PDS5A: variants seen among roughly 807,000 people sequenced by gnomAD.
PDS5A encodes sister chromatid cohesion protein PDS5 homolog A.
PDS5A carries 42 observed loss-of-function variants against 167.1 expected under a neutral mutation model. That is an observed-to-expected ratio of 0.25 (90% CI 0.20 to 0.33). The LOEUF is 0.33. Among genes scored for constraint, PDS5A ranks in the 10% least tolerant of loss-of-function variants. The pLI is 1.00. For missense variants in PDS5A, 1,033 were observed against 1,605.9 expected, an observed-to-expected ratio of 0.64 and a Z score of 6.10; for synonymous variants, 553 against 554.6, an observed-to-expected ratio of 1.00 and a Z score of 0.04.
At chr4:39,849,472 T>C (rs748065902) in intron 27 of PDS5A, 48 bp downstream of exon 27, 3 of 988,306 alleles carry the variant, frequency 3.0e-6, no homozygotes, top group East Asian at 2.7e-5. Context: ...TGGGACAATA[T>C]ATTTTTCTAT....
chr4:39,862,121 C>T (rs1719051816), intron 26 of PDS5A, 98 bp downstream of exon 26: 7 of 465,620 alleles, frequency 1.5e-5, no homozygotes, highest in Middle Eastern at 5.9e-4. Flanking sequence ...GATTCTAATT[C>T]TAATGTAAAT....
At chr4:39,960,008 G>A (rs1187003225) in intron 2 of PDS5A, among the ~76,000 whole-genome samples, 10 of 152,190 alleles carry the variant, frequency 6.6e-5, no homozygotes, top group African/African-American at 2.2e-4. Flanking sequence ...CAGGAGAATC[G>A]CTTGAAACTG....
At chr4:39,848,770 C>T (rs976072867) in intron 28 of PDS5A, 81 bp downstream of exon 28, 12 of 1,267,604 alleles carry the variant, frequency 9.5e-6, no homozygotes, top group Non-Finnish European at 1.3e-5. Context: ...CAAGACAATT[C>T]AATATTTGCC....
intron 32 of PDS5A, among the ~76,000 whole-genome samples, chr4:39,835,227 G>T (rs1466795604): frequency 1.3e-5 from 2 of 152,118 alleles, no homozygotes; most frequent in Non-Finnish European, 2.9e-5. Flanking sequence ...TTATAGGTGT[G>T]AGCCACCGCA....
rs767063747 is a variant in PDS5A, at chr4:39,874,241, C to T, written c.2277+48G>A. ...CTTCCATCTTCATCAAACTATAGAG[C>T]TTAAAAAATAAAGACCAATATAAAC... On this transcript the variant is annotated intron_variant, in intron 20 of 32. Transcript: ENST00000303538. 4 of 1,520,838 alleles carry T rather than the reference C, an allele frequency of 2.6e-6. No individual in the cohort carries two copies. In the Admixed American group the frequency reaches 7.4e-5, roughly 28 times the overall value. 94.2% of individuals were successfully genotyped at this position (1,520,838 alleles called of 1,614,324 possible). A position where few individuals can be genotyped will look rare whatever the true frequency, so the allele number is the denominator to read the frequency against.
chr4:39,973,996 G>A (rs1730830451), intron 2 of PDS5A, among the ~76,000 whole-genome samples: 1 of 152,166 alleles, frequency 6.6e-6, no homozygotes, highest in African/African-American at 2.4e-5. Context: ...CATGATGGCG[G>A]GCGCCCGTGG....
intron 16 of PDS5A, among the ~76,000 whole-genome samples, chr4:39,892,775 G>T (rs1309835300): frequency 2.0e-5 from 3 of 152,192 alleles, no homozygotes; most frequent in African/African-American, 7.2e-5. Flanking sequence ...TTTTAAAAGT[G>T]TAGTCCATAA....
At chr4:39,914,360 C>T (rs1316979928) in intron 8 of PDS5A, among the ~76,000 whole-genome samples, 1 of 151,842 alleles carries the variant, frequency 6.6e-6, no homozygotes, top group Admixed American at 6.6e-5. Flanking sequence ...TGGGGTTTCA[C>T]CATCTTGGCC....
At chr4:39,916,814 C>T (rs962485179) in intron 8 of PDS5A, among the ~76,000 whole-genome samples, 7 of 151,294 alleles carry the variant, frequency 4.6e-5, no homozygotes, top group East Asian at 1.9e-4. Context: ...TGCAGTGAGC[C>T]GAGACTGCGC....
chr4:39,894,834 T>C (rs575709683), intron 16 of PDS5A, among the ~76,000 whole-genome samples: 4 of 152,272 alleles, frequency 2.6e-5, no homozygotes, highest in South Asian at 4.1e-4. Flanking sequence ...TTAAATCCAA[T>C]AGGGCAGTGC....
At chr4:39,962,251 T>C (rs915308865) in intron 2 of PDS5A, among the ~76,000 whole-genome samples, 1 of 151,370 alleles carries the variant, frequency 6.6e-6, no homozygotes, top group Non-Finnish European at 1.5e-5. Context: ...AGAGACGGGG[T>C]TTCACTGTGT....
chr4:39,904,198 A>G lies in PDS5A; in HGVS notation c.1234-7T>C. ...CTTCTTTTCTTACTCGCCACTAAAAAGCATAAAATTTATTAGATGAGCAAG... is the reference window on the plus strand; with the variant it reads ...CTTCTTTTCTTACTCGCCACTAAAAGGCATAAAATTTATTAGATGAGCAAG... On this transcript the variant is annotated splice_region_variant and splice_polypyrimidine_tract_variant and intron_variant, in intron 11 of 32. Coordinates refer to ENST00000303538, the MANE Select transcript of PDS5A (RefSeq NM_001100399.2). 1 of 1,594,576 alleles carries G rather than the reference A, an allele frequency of 6.3e-7. No homozygotes were observed. The highest frequency in any genetic ancestry group is 8.5e-7 in the Non-Finnish European group (1 of 1,170,704).
At chr4:39,895,820 C>T (rs1722358027) in intron 16 of PDS5A, among the ~76,000 whole-genome samples, 1 of 151,730 alleles carries the variant, frequency 6.6e-6, no homozygotes, top group African/African-American at 2.4e-5. Context: ...CAGGTTCACA[C>T]CATTCTCCTG....
intron 2 of PDS5A, chr4:39,973,471 G>A (rs188195717): frequency 4.4e-6 from 6 of 1,349,592 alleles, no homozygotes; most frequent in Admixed American, 3.4e-5. Context: ...TAATATTTAC[G>A]TGAAAAATCT....
At chr4:39,976,764 GA>G (rs1481522902) in intron 1 of PDS5A, 147 bp from the exon 2 acceptor site, 2 of 476,802 alleles carry the variant, frequency 4.2e-6, no homozygotes, top group Non-Finnish European at 7.4e-6. Context: ...CTTTCCCAGG[GA>G]TCGAACCCCG....
chr4:39,900,850 T>C (rs1175540196), intron 13 of PDS5A, among the ~76,000 whole-genome samples: 2 of 151,500 alleles, frequency 1.3e-5, no homozygotes, highest in Non-Finnish European at 2.9e-5. Flanking sequence ...TGTATACGCT[T>C]GGAGCACAAG....
intron 2 of PDS5A, among the ~76,000 whole-genome samples, chr4:39,929,965 C>CAT (rs1419195921): frequency 6.6e-6 from 1 of 150,396 alleles, no homozygotes; most frequent in East Asian, 1.9e-4. Flanking sequence ...CCTGTAATCC[C>CAT]AGCACTTTGG....
At chr4:39,917,839 T>TACTG (rs1388562334) in intron 7 of PDS5A, among the ~76,000 whole-genome samples, 1 of 152,048 alleles carries the variant, frequency 6.6e-6, no homozygotes, top group Non-Finnish European at 1.5e-5. Context: ...CCTCCCAAAG[T>TACTG]ACTGGGATTA....
chr4:39,895,746 C>G (rs902098198), intron 16 of PDS5A, among the ~76,000 whole-genome samples: 3 of 152,160 alleles, frequency 2.0e-5, no homozygotes, highest in Non-Finnish European at 4.4e-5. Context: ...GAGACAGAGT[C>G]TCGCTCTGTC....
Sources: gnomAD v4.1 joint callset for allele counts (sites outside exome capture counted in the v4.1 genomes callset) on GRCh38, gnomAD v4.1.1 for gene constraint, MANE v1.5 for transcripts, NCBI Gene and HGNC (gene_info 2026-07-23, HGNC 2026-07-21) for gene names.